Variants in PTPRK observed in about 807,000 individuals in gnomAD.
PTPRK encodes the protein receptor-type tyrosine-protein phosphatase kappa.
A neutral mutation model predicts 178.0 loss-of-function variants in PTPRK; 75 were observed. The observed-to-expected ratio is 0.42, with a 90% confidence interval of 0.35 to 0.51. The LOEUF is 0.51. PTPRK is among the 20% of genes least tolerant of loss of function. The pLI, the probability that PTPRK is intolerant of heterozygous loss-of-function variation, is 0.02. For synonymous variants in PTPRK, 637 were observed against 620.6 expected, an observed-to-expected ratio of 1.03 and a Z score of -0.39; for missense variants, 1,441 against 1,797.8, an observed-to-expected ratio of 0.80 and a Z score of 3.59.
At chr6:128,208,108 T>C (rs1037559369) in intron 6 of PTPRK, among the ~76,000 whole-genome samples, 3 of 152,126 alleles carry the variant, frequency 2.0e-5, no homozygotes, top group African/African-American at 7.2e-5. Flanking sequence ...AGTCTGATCA[T>C]GGTAACTGCT....
At chr6:128,063,250 T>C (rs1781169927) in intron 13 of PTPRK, among the ~76,000 whole-genome samples, 2 of 152,220 alleles carry the variant, frequency 1.3e-5, no homozygotes, top group Admixed American at 1.3e-4. Flanking sequence ...CTGTCAATTA[T>C]TCTATGCCAC....
chr6:128,125,767 AC>A (rs1194041200), intron 7 of PTPRK, among the ~76,000 whole-genome samples: 1 of 150,426 alleles, frequency 6.6e-6, no homozygotes, highest in Non-Finnish European at 1.5e-5. Flanking sequence ...GCACCACCAT[AC>A]CTGGCTAATT....
In PTPRK at chr6:127,998,919, AT is replaced by A; in HGVS notation, c.2495-16del. 6.6e-7 allele frequency: 1 copy of A among 1,508,446 alleles called. No homozygotes were observed. 93.4% of individuals were successfully genotyped at this position (1,508,446 alleles called of 1,614,324 possible). A position where few individuals can be genotyped will look rare whatever the true frequency, so the allele number is the denominator to read the frequency against. ...GTGGTTCTCATCTGGCATTTTTCAGATTTCAGAAGATTAAAAAAGAGACAAA... is the reference window on the plus strand; with the variant it reads ...GTGGTTCTCATCTGGCATTTTTCAGATTCAGAAGATTAAAAAAGAGACAAA... On this transcript the variant is annotated splice_polypyrimidine_tract_variant and intron_variant, in intron 15 of 29. Coordinates refer to ENST00000368226, the MANE Select transcript of PTPRK (RefSeq NM_002844.4).
intron 7 of PTPRK, among the ~76,000 whole-genome samples, chr6:128,142,808 A>G (rs1795964490): frequency 6.6e-6 from 1 of 152,144 alleles, no homozygotes; most frequent in South Asian, 2.1e-4. Flanking sequence ...TCCTGGTGTC[A>G]TGCATATAAA....
intron 2 of PTPRK, among the ~76,000 whole-genome samples, chr6:128,374,954 T>G (rs1263057212): frequency 6.6e-6 from 1 of 152,002 alleles, no homozygotes; most frequent in African/African-American, 2.4e-5. Flanking sequence ...GACTTTCCAC[T>G]TGCTGATCCC....
intron 2 of PTPRK, among the ~76,000 whole-genome samples, chr6:128,389,807 C>T (rs539255300): frequency 6.6e-6 from 1 of 151,912 alleles, no homozygotes; most frequent in East Asian, 1.9e-4. Flanking sequence ...AACTTAGATG[C>T]ATTATGTACC....
chr6:128,122,615 A>G (rs781714806), intron 7 of PTPRK, among the ~76,000 whole-genome samples: 1 of 152,204 alleles, frequency 6.6e-6, no homozygotes, highest in Non-Finnish European at 1.5e-5. Context: ...TTTAATAGCA[A>G]TAAATGCTGT....
At chr6:128,492,909 T>C (rs1360231707) in intron 1 of PTPRK, among the ~76,000 whole-genome samples, 2 of 152,190 alleles carry the variant, frequency 1.3e-5, no homozygotes, top group Non-Finnish European at 2.9e-5. Context: ...CCCCTTGTGC[T>C]TTTTGGAAAG....
chr6:128,325,552 C>T (rs976297644), intron 2 of PTPRK, among the ~76,000 whole-genome samples: 7 of 151,610 alleles, frequency 4.6e-5, no homozygotes, highest in African/African-American at 1.5e-4. Context: ...TTTATGCGGC[C>T]AACAAACATA....
At chr6:128,044,530 A>G (rs1777722742) in intron 13 of PTPRK, among the ~76,000 whole-genome samples, 1 of 151,984 alleles carries the variant, frequency 6.6e-6, no homozygotes, top group Non-Finnish European at 1.5e-5. Flanking sequence ...ATGGTTTACC[A>G]GGCCTTCATG....
At position 128,082,192 on chromosome 6, in the gene PTPRK, A is replaced by G. The variant is rs138734164; in HGVS notation, c.1777+245T>C. Among the ~76,000 whole-genome samples, 67 of 152,278 alleles carry G rather than the reference A, an allele frequency of 4.4e-4. 1 individual carries two copies. The highest frequency in any genetic ancestry group is 1.6e-3 in the African/African-American group (65 of 41,576). On this transcript the variant is annotated intron_variant, in intron 10 of 29. Coordinates refer to ENST00000368226, the MANE Select transcript of PTPRK (RefSeq NM_002844.4). ...TATAATGAATTTTGAAAGATTTTTA[A>G]TAAAGATTTAGTATAATTTTTTTAA...
rs138239327 is a variant in PTPRK at position 128,369,312 on chromosome 6, A to G, written c.223+28254T>C. ...TTGAAGAGAAAAATGAAAATATTCC[A>G]TATGTAAATAACGTTTAAAGGCAGG... On this transcript the variant is annotated intron_variant, in intron 2 of 29. Coordinates refer to ENST00000368226, the MANE Select transcript of PTPRK (RefSeq NM_002844.4). Among the ~76,000 whole-genome samples, 308 of 152,270 alleles carry G rather than the reference A, an allele frequency of 2.0e-3. 1 individual carries two copies. Among genetic ancestry groups the G allele is most frequent in the African/African-American group, 7.1e-3 (294 of 41,588 alleles).
intron 1 of PTPRK, among the ~76,000 whole-genome samples, chr6:128,460,840 C>G (rs1448492958): frequency 6.6e-6 from 1 of 152,094 alleles, no homozygotes; most frequent in East Asian, 1.9e-4. Flanking sequence ...TCAAGCTGAT[C>G]AAAGTTGATA....
intron 3 of PTPRK, among the ~76,000 whole-genome samples, chr6:128,298,324 T>C (rs997527009): frequency 1.2e-4 from 18 of 151,992 alleles, no homozygotes; most frequent in Admixed American, 1.1e-3. Flanking sequence ...GTACCATTCC[T>C]TCTGAAACTA....
At chr6:128,187,922 G>T (rs534573678) in intron 6 of PTPRK, among the ~76,000 whole-genome samples, 3 of 152,014 alleles carry the variant, frequency 2.0e-5, no homozygotes, top group Non-Finnish European at 4.4e-5. Context: ...TTTGTTTTCA[G>T]GCCCTTGATA....
At chr6:127,992,772 C>A in intron 18 of PTPRK, 63 bp from the exon 19 acceptor site, 2 of 1,332,748 alleles carry the variant, frequency 1.5e-6, no homozygotes, top group Non-Finnish European at 1.0e-6. Context: ...TGAATGAAGG[C>A]ATAAAAAGAT....
intron 7 of PTPRK, among the ~76,000 whole-genome samples, chr6:128,171,497 TTAAG>T (rs1800246198): frequency 6.6e-6 from 1 of 151,972 alleles, no homozygotes; most frequent in Non-Finnish European, 1.5e-5. Flanking sequence ...TCCAGACTCT[TTAAG>T]TACCACCTGT....
chr6:128,157,203 G>T (rs1465195204), intron 7 of PTPRK, among the ~76,000 whole-genome samples: 2 of 151,960 alleles, frequency 1.3e-5, no homozygotes, highest in African/African-American at 4.8e-5. Context: ...GAATTAATAA[G>T]CTTTCATGTC....
chr6:128,316,288 C>T (rs1827983912), intron 3 of PTPRK, among the ~76,000 whole-genome samples: 1 of 152,190 alleles, frequency 6.6e-6, no homozygotes, highest in African/African-American at 2.4e-5. Context: ...ATCTGTCTTC[C>T]TCATTCCCCT....
Sources: allele counts gnomAD v4.1 joint callset (sites outside exome capture counted in the v4.1 genomes callset), GRCh38; gene constraint gnomAD v4.1.1; transcripts MANE v1.5; gene names NCBI Gene and HGNC (gene_info 2026-07-23, HGNC 2026-07-21).